The following SPTAN1 variants were observed in gnomAD, a reference collection of about 807,000 sequenced individuals.
The protein encoded by SPTAN1 is spectrin alpha, non-erythrocytic 1.
SPTAN1 carries 61 observed loss-of-function variants against 331.3 expected under a neutral mutation model. That is an observed-to-expected ratio of 0.18 (90% CI 0.15 to 0.23). The LOEUF (loss-of-function observed/expected upper bound fraction) is 0.23. SPTAN1 is among the 10% of genes least tolerant of loss of function. The pLI is 1.00. For synonymous variants in SPTAN1, 1,153 were observed against 1,173.9 expected (o/e 0.98, Z 0.36); for missense variants, 2,043 against 3,147.9 (o/e 0.65, Z 8.40).
chr9:128,595,767 C>T (rs973560737), intron 24 of SPTAN1: 2 of 152,284 alleles, frequency 1.3e-5, no homozygotes, highest in Admixed American at 6.5e-5. Flanking sequence ...TCCAGATTTA[C>T]CTATTCTGGA....
chr9:128,600,509 A>T (rs1277492226), intron 27 of SPTAN1, among the ~76,000 whole-genome samples: 2 of 152,180 alleles, frequency 1.3e-5, no homozygotes, highest in African/African-American at 4.8e-5. Flanking sequence ...GTGGCCTAAG[A>T]AAGGCTTCAG....
intron 27 of SPTAN1, among the ~76,000 whole-genome samples, chr9:128,601,608 C>G (rs370618630): frequency 2.2e-4 from 33 of 152,178 alleles, no homozygotes; most frequent in African/African-American, 7.9e-4. Flanking sequence ...AGTAGGCCTT[C>G]TCCTCATTAG....
chr9:128,557,473 G>T (rs918740939), intron 1 of SPTAN1, among the ~76,000 whole-genome samples: 1 of 152,046 alleles, frequency 6.6e-6, no homozygotes, highest in African/African-American at 2.4e-5. Flanking sequence ...GTTGCTTAAC[G>T]CAGTGGGATT....
intron 40 of SPTAN1, among the ~76,000 whole-genome samples, chr9:128,614,515 G>A (rs891992862): frequency 6.6e-5 from 10 of 151,856 alleles, no homozygotes; most frequent in African/African-American, 2.2e-4. Flanking sequence ...GCTTGAGCCC[G>A]GGAGGCAGAG....
Position 128,587,434 on chromosome 9 carries a change from A to G in SPTAN1, c.2779-172A>G, listed in dbSNP as rs7026966. Among the ~76,000 whole-genome samples, 148,002 of 152,298 alleles carry G rather than the reference A, an allele frequency of 0.97. 72,070 individuals carry two copies. Among genetic ancestry groups the G allele is most frequent in the East Asian group, 1 (5,192 of 5,192 alleles). On this transcript the variant is annotated intron_variant, in intron 19 of 56. Transcript: ENST00000372739. ...ATATATATGATTGTCCCAAAAGATG[A>G]GAATCCTGAAAAACTTTGAAAATGA...
At chr9:128,560,419 C>T (rs904334845) in intron 1 of SPTAN1, among the ~76,000 whole-genome samples, 19 of 148,470 alleles carry the variant, frequency 1.3e-4, no homozygotes, top group African/African-American at 4.2e-4. Context: ...CTAGCTCTGT[C>T]ACCCAGGCTG....
Position 128,579,628 on chromosome 9 carries a change from C to T in SPTAN1, c.1222-9C>T. The T allele has an allele frequency of 6.2e-7, 1 of 1,611,878 alleles. No homozygotes were observed. The highest frequency in any genetic ancestry group is 8.5e-7 in the Non-Finnish European group (1 of 1,178,154). On this transcript the variant is annotated splice_polypyrimidine_tract_variant and intron_variant, in intron 9 of 56. Transcript: ENST00000372739. ...GCACAAATCATGGCTTTGTTTTTTT[C>T]TCCTGTAGGGTGAAATTGATGCCCA...
At chr9:128,624,624 A>G in intron 46 of SPTAN1, 137 bp downstream of exon 46, 2 of 1,105,752 alleles carry the variant, frequency 1.8e-6, no homozygotes, top group Non-Finnish European at 2.6e-6. Context: ...AGGGCAGACC[A>G]CTGACTGCCA....
At chr9:128,632,524 T>C in intron 54 of SPTAN1, 40 bp downstream of exon 54, 1 of 1,614,102 alleles carries the variant, frequency 6.2e-7, no homozygotes, top group Non-Finnish European at 8.5e-7. Flanking sequence ...GTGGGGGGTG[T>C]TCGGCAGCAG....
chr9:128,560,235 C>T (rs765271749), intron 1 of SPTAN1, among the ~76,000 whole-genome samples: 6 of 151,928 alleles, frequency 3.9e-5, no homozygotes, highest in South Asian at 2.1e-4. Flanking sequence ...AGGCGCACGC[C>T]GCCACACCTG....
At position 128,627,963 on chromosome 9, in the gene SPTAN1, T is replaced by G; in HGVS notation, c.6707+21T>G. ...GATGGGTTAATATTGTTTTCTTCCT[T>G]CTCTGGGCTTGTCATGTGGGGGTCT... On this transcript the variant is annotated intron_variant, in intron 51 of 56. Transcript: ENST00000372739. This position sits in a 1 kb window ranked among gnomAD's most constrained non-coding sequence, Gnocchi z 4.9. 6.2e-7 allele frequency: 1 copy of G among 1,614,148 alleles called. No homozygotes were observed. The highest frequency in any genetic ancestry group is 8.5e-7 in the Non-Finnish European group (1 of 1,180,006).
intron 52 of SPTAN1, among the ~76,000 whole-genome samples, chr9:128,631,141 G>A (rs1859653123): frequency 6.6e-6 from 1 of 150,812 alleles, no homozygotes. Context: ...CACCACTCCC[G>A]GCCGAGGGCT....
At chr9:128,560,067 A>G (rs575138747) in intron 1 of SPTAN1, among the ~76,000 whole-genome samples, 60 of 139,468 alleles carry the variant, frequency 4.3e-4, no homozygotes, top group African/African-American at 1.5e-3. Flanking sequence ...TGATTAATAC[A>G]TCCACATCCA....
chr9:128,612,072 A>G, intron 38 of SPTAN1, 37 bp from the exon 39 acceptor site: 2 of 1,614,044 alleles, frequency 1.2e-6, no homozygotes, highest in Non-Finnish European at 1.7e-6. Context: ...GATTCTTCAT[A>G]GATTTCATCT....
intron 31 of SPTAN1, 43 bp from the exon 32 acceptor site, chr9:128,607,561 C>T: frequency 6.6e-7 from 1 of 1,504,550 alleles, no homozygotes; most frequent in South Asian, 1.1e-5. Flanking sequence ...GATCTCCTTA[C>T]CAGGTAATAT....
In SPTAN1 at chr9:128,600,147, A is replaced by G. The variant is rs774470705; in HGVS notation, c.3579+32A>G. On this transcript the variant is annotated intron_variant, in intron 27 of 56. Coordinates refer to ENST00000372739, the MANE Select transcript of SPTAN1 (RefSeq NM_001130438.3). The stretch of plus-strand genomic sequence containing the variant: ...ACTCCTTTGCAAATTATTGTTTTCA[A>G]GAGTTTTGCGAGATCATGAAATATG... The G allele has an allele frequency of 1.1e-5, 17 of 1,611,528 alleles. No homozygotes were observed. In the South Asian group the frequency reaches 1.9e-4, roughly 18 times the overall value.
intron 3 of SPTAN1, among the ~76,000 whole-genome samples, chr9:128,571,003 C>G (rs558894945): frequency 7.3e-4 from 111 of 152,290 alleles, no homozygotes; most frequent in African/African-American, 2.6e-3. Flanking sequence ...TGTTAACTGG[C>G]CGGGCATGGG....
At chr9:128,594,793 C>T (rs1589256731) in intron 24 of SPTAN1, among the ~76,000 whole-genome samples, 1 of 132,740 alleles carries the variant, frequency 7.5e-6, no homozygotes, top group Non-Finnish European at 1.6e-5. Context: ...TATATTCCAT[C>T]ATGTATGTAG....
chr9:128,629,300 G>T lies in SPTAN1; in HGVS notation c.6708-1021G>T. The stretch of plus-strand genomic sequence containing the variant: ...GCCGCCCTCGGCTGCTTGGGAAGGA[G>T]GGGTCTGTCCTCCCACTGCACCGGC... On this transcript the variant is annotated intron_variant, in intron 51 of 56. Transcript: ENST00000372739. The surrounding 1 kb of genome is among the most constrained non-coding windows in gnomAD (Gnocchi z 4.9). The T allele has an allele frequency of 2.5e-6, 1 of 394,528 alleles. No homozygotes were observed. Among genetic ancestry groups the T allele is most frequent in the South Asian group, 1.4e-4 (1 of 7,334 alleles). 24.4% of individuals were successfully genotyped at this position (394,528 alleles called of 1,614,324 possible). A position where few individuals can be genotyped will look rare whatever the true frequency, so the allele number is the denominator to read the frequency against.
Sources: gnomAD v4.1 joint callset for allele counts (sites outside exome capture counted in the v4.1 genomes callset) on GRCh38, gnomAD v4.1.1 for gene constraint, Gnocchi (gnomAD v3.1) non-coding constraint, MANE v1.5 for transcripts, NCBI Gene and HGNC (gene_info 2026-07-23, HGNC 2026-07-21) for gene names.